ARHGAP18: variants seen among roughly 807,000 people sequenced by gnomAD.
The protein encoded by ARHGAP18 is rho GTPase-activating protein 18.
In ARHGAP18, 67 loss-of-function variants were observed where a neutral mutation model predicts 86.2. The observed-to-expected ratio is 0.78, with a 90% confidence interval of 0.64 to 0.95. The LOEUF (loss-of-function observed/expected upper bound fraction) is 0.95. Ranked by LOEUF, ARHGAP18 falls within the 40% of genes least tolerant of loss-of-function variation. The probability of loss-of-function intolerance (pLI) is 0.00; values close to 1 mark genes in which losing one functional copy is unlikely to be tolerated. For missense variants in ARHGAP18, 691 were observed against 780.4 expected (o/e 0.89, Z 1.37); for synonymous variants, 283 against 280.4 (o/e 1.01, Z -0.09).
chr6:129,580,578 T>C lies in ARHGAP18; in HGVS notation c.1839-447A>G, dbSNP rs183755017. ...CTGACAACTCCAGTAGTGTGCAAGA[T>C]GCATGTGAAGAATAAGACATGCTTC... is the stretch of plus-strand genomic sequence containing the variant. On this transcript the variant is annotated intron_variant, in intron 13 of 14. Transcript: ENST00000368149. Among the ~76,000 whole-genome samples the C allele has an allele frequency of 1.1e-4, 17 of 152,344 alleles. No individual in the cohort carries two copies. The East Asian group carries it at 2.9e-3, about 26-fold the overall frequency.
chr6:129,681,626 C>CT (rs912846113), intron 1 of ARHGAP18, among the ~76,000 whole-genome samples: 14 of 152,012 alleles, frequency 9.2e-5, no homozygotes, highest in Non-Finnish European at 2.1e-4. Context: ...GAGCTATTAA[C>CT]TTTTTTTTGC....
At chr6:129,630,744 G>C (rs372104253) in intron 4 of ARHGAP18, among the ~76,000 whole-genome samples, 2 of 152,224 alleles carry the variant, frequency 1.3e-5, no homozygotes, top group East Asian at 1.9e-4. Context: ...CAGCCACACA[G>C]GGCTCCAGGC....
intron 10 of ARHGAP18, among the ~76,000 whole-genome samples, chr6:129,604,649 AGCCCTGGGC>A (rs1316850311): frequency 2.0e-4 from 31 of 152,310 alleles, no homozygotes; most frequent in African/African-American, 7.5e-4. Flanking sequence ...CTTACACAGT[AGCCCTGGGC>A]ACACACTCTT....
intron 12 of ARHGAP18, among the ~76,000 whole-genome samples, chr6:129,588,326 T>C (rs1380492138): frequency 1.3e-5 from 2 of 152,130 alleles, no homozygotes; most frequent in East Asian, 3.9e-4. Flanking sequence ...CCATGTTGGC[T>C]GCTGGTCTTG....
At chr6:129,704,595 G>A (rs986450337) in intron 1 of ARHGAP18, among the ~76,000 whole-genome samples, 1 of 151,996 alleles carries the variant, frequency 6.6e-6, no homozygotes. Context: ...TGAATCTTCA[G>A]GTATTCTCAT....
Position 129,612,654 on chromosome 6 carries a change from A to C in ARHGAP18, c.1045-1044T>G, listed in dbSNP as rs150416108. 1.5e-3 allele frequency among the ~76,000 whole-genome samples: 236 copies of C among 152,344 alleles called. 3 individuals carry two copies. Among genetic ancestry groups the C allele is most frequent in the Non-Finnish European group, 2.6e-3 (175 of 68,038 alleles). On this transcript the variant is annotated intron_variant, in intron 7 of 14. Transcript: ENST00000368149. ...AGCTTACTGTTTTTCCCTTGCACAT[A>C]AAAGTGTCTGTTAGGAGCAAAGCAT...
At chr6:129,641,714 TG>T in intron 2 of ARHGAP18, 101 bp downstream of exon 2, 1 of 1,078,936 alleles carries the variant, frequency 9.3e-7, no homozygotes, top group Non-Finnish European at 1.3e-6. Context: ...CTTTTTTTGG[TG>T]GTCCTAGCTT....
rs115573836 is a variant in ARHGAP18 at position 129,659,065 on chromosome 6, C to G, written c.114-17047G>C. Among the ~76,000 whole-genome samples the G allele has an allele frequency of 9.8e-3, 1,499 of 152,284 alleles. 29 individuals carry two copies. The highest frequency in any genetic ancestry group is 0.034 in the African/African-American group (1,430 of 41,534). On this transcript the variant is annotated intron_variant, in intron 1 of 14. Transcript: ENST00000368149. ...CAATATACACCAAATATCATCACTG[C>G]AACATGTAATAAATATGGCAATTAT...
intron 1 of ARHGAP18, among the ~76,000 whole-genome samples, chr6:129,649,654 C>G (rs1773662521): frequency 6.7e-6 from 1 of 148,824 alleles, no homozygotes; most frequent in African/African-American, 2.5e-5. Flanking sequence ...TTGCTACTCA[C>G]TTTTGACAGT....
At chr6:129,645,762 C>T (rs1562708704) in intron 1 of ARHGAP18, among the ~76,000 whole-genome samples, 1 of 152,044 alleles carries the variant, frequency 6.6e-6, no homozygotes, top group African/African-American at 2.4e-5. Flanking sequence ...ATCATTTTGC[C>T]TTTTTTTACC....
chr6:129,684,321 C>A (rs1774388211), intron 1 of ARHGAP18, among the ~76,000 whole-genome samples: 1 of 152,174 alleles, frequency 6.6e-6, no homozygotes, highest in East Asian at 1.9e-4. Flanking sequence ...GGGAGAGCAA[C>A]AGATTAACTA....
intron 1 of ARHGAP18, among the ~76,000 whole-genome samples, chr6:129,646,922 T>A (rs1773591673): frequency 6.6e-6 from 1 of 152,152 alleles, no homozygotes; most frequent in Non-Finnish European, 1.5e-5. Context: ...GTTTTAAGAA[T>A]TCTCAAAAAC....
chr6:129,632,431 A>G (rs1206696423), intron 4 of ARHGAP18, among the ~76,000 whole-genome samples: 3 of 152,194 alleles, frequency 2.0e-5, no homozygotes, highest in Non-Finnish European at 2.9e-5. Context: ...AGCCTACATC[A>G]TGATCCCTGG....
At chr6:129,593,262 C>T (rs1014097858) in intron 12 of ARHGAP18, among the ~76,000 whole-genome samples, 18 of 152,080 alleles carry the variant, frequency 1.2e-4, no homozygotes, top group Non-Finnish European at 7.4e-5. Context: ...GAGTTCGAGA[C>T]CAGCCTGTGT....
chr6:129,674,156 C>T (rs929805165), intron 1 of ARHGAP18, among the ~76,000 whole-genome samples: 1 of 152,040 alleles, frequency 6.6e-6, no homozygotes, highest in African/African-American at 2.4e-5. Context: ...TTATTATAAC[C>T]ACCTGGTATT....
chr6:129,647,159 C>T (rs564237328), intron 1 of ARHGAP18, among the ~76,000 whole-genome samples: 1 of 152,190 alleles, frequency 6.6e-6, no homozygotes, highest in African/African-American at 2.4e-5. Flanking sequence ...CCTCCCTTGC[C>T]AATACTGTTA....
rs1425322925 is a variant in ARHGAP18 at position 129,626,105 on chromosome 6, C to CACACACACACACATAT, written c.786+3247_786+3248insATATGTGTGTGTGTGT. ...ACACACACACACACACACACACACA[C>CACACACACACACATAT]ATATATAGAAGAAAAGCCTGGAAAC... On this transcript the variant is annotated intron_variant, in intron 5 of 14. Transcript: ENST00000368149. Among the ~76,000 whole-genome samples the CACACACACACACATAT allele has an allele frequency of 4.1e-3, 510 of 124,838 alleles. 3 individuals are homozygous for CACACACACACACATAT. Among genetic ancestry groups the CACACACACACACATAT allele is most frequent in the Middle Eastern group, 0.012 (3 of 252 alleles). 81.9% of individuals were successfully genotyped at this position (124,838 alleles called of 152,430 possible).
At chr6:129,582,545 G>T (rs552217302) in intron 13 of ARHGAP18, among the ~76,000 whole-genome samples, 3 of 152,286 alleles carry the variant, frequency 2.0e-5, no homozygotes, top group Admixed American at 2.0e-4. Flanking sequence ...CTAAGTCAAG[G>T]TAGGGAGCAG....
intron 1 of ARHGAP18, among the ~76,000 whole-genome samples, chr6:129,676,064 A>T (rs956886853): frequency 6.6e-6 from 1 of 152,234 alleles, no homozygotes; most frequent in African/African-American, 2.4e-5. Flanking sequence ...TTGATCCATT[A>T]TATCAAGTGT....
Sources: gnomAD v4.1 joint callset for allele counts (sites outside exome capture counted in the v4.1 genomes callset) on GRCh38, gnomAD v4.1.1 for gene constraint, MANE v1.5 for transcripts, NCBI Gene and HGNC (gene_info 2026-07-23, HGNC 2026-07-21) for gene names.